NCKAP5: variants seen among roughly 807,000 people sequenced by gnomAD.
NCKAP5 encodes the protein nck-associated protein 5.
A neutral mutation model predicts 167.0 loss-of-function variants in NCKAP5; 92 were observed. The observed-to-expected ratio is 0.55, with a 90% CI of 0.47 to 0.66. The LOEUF is 0.66. NCKAP5 is among the 30% of genes least tolerant of loss of function. The pLI is 0.00. For synonymous variants in NCKAP5, 891 were observed against 877.4 expected, an observed-to-expected ratio of 1.02 and a Z score of -0.27; for missense variants, 2,378 against 2,315.0, an observed-to-expected ratio of 1.03 and a Z score of -0.56.
intron 3 of NCKAP5, among the ~76,000 whole-genome samples, chr2:133,340,880 C>T (rs976922031): frequency 2.0e-5 from 3 of 152,204 alleles, no homozygotes; most frequent in African/African-American, 7.2e-5. Context: ...TCTTCCTCAT[C>T]TCAGCAGCCA....
chr2:132,878,989 G>A (rs1691540840), intron 8 of NCKAP5, 73 bp from the exon 9 acceptor site: 7 of 1,172,914 alleles, frequency 6.0e-6, no homozygotes, highest in Non-Finnish European at 8.9e-6. Context: ...ATTCCATACA[G>A]TTACTAAATA....
At chr2:132,776,791 A>G (rs908506773) in intron 15 of NCKAP5, among the ~76,000 whole-genome samples, 43 of 152,164 alleles carry the variant, frequency 2.8e-4, no homozygotes, top group African/African-American at 1.0e-3. Context: ...GATGAAATTT[A>G]AATTAATTTT....
At chr2:133,468,655 G>T (rs953795233) in intron 3 of NCKAP5, among the ~76,000 whole-genome samples, 9 of 152,174 alleles carry the variant, frequency 5.9e-5, no homozygotes, top group Non-Finnish European at 1.2e-4. Context: ...AAGTCTCTTT[G>T]TAGGTCACTC....
intron 6 of NCKAP5, among the ~76,000 whole-genome samples, chr2:133,015,263 G>A (rs1282959416): frequency 1.3e-5 from 2 of 151,976 alleles, no homozygotes; most frequent in Non-Finnish European, 2.9e-5. Context: ...CAAGTAATTT[G>A]TCCAAAGTCA....
At chr2:133,557,865 C>A (rs1422731062) in intron 2 of NCKAP5, among the ~76,000 whole-genome samples, 1 of 152,206 alleles carries the variant, frequency 6.6e-6, no homozygotes, top group Non-Finnish European at 1.5e-5. Flanking sequence ...TGCAGCCCAG[C>A]CCTGAGCCCA....
chr2:133,669,162 C>T, the NCKAP5 span, among the ~76,000 whole-genome samples: 2 of 152,132 alleles, frequency 1.3e-5, no homozygotes, highest in African/African-American at 4.8e-5. Flanking sequence ...ATCACATATT[C>T]GTTTTCAAGC....
chr2:133,525,109 A>T lies in NCKAP5; in HGVS notation c.-61-7522T>A, dbSNP rs962175064. Among the ~76,000 whole-genome samples the T allele has an allele frequency of 5.3e-5, 8 of 152,336 alleles. 1 individual carries two copies. The highest frequency in any genetic ancestry group is 1.7e-4 in the African/African-American group (7 of 41,578). On this transcript the variant is annotated intron_variant, in intron 2 of 19. Transcript: ENST00000409261. ...TAATTTTCAACCATAAAAATTTTTTAAAATCCTACCAGCCCCCTGAAACTG... is the reference window on the plus strand; with the variant it reads ...TAATTTTCAACCATAAAAATTTTTTTAAATCCTACCAGCCCCCTGAAACTG...
intron 4 of NCKAP5, among the ~76,000 whole-genome samples, chr2:133,268,174 G>A (rs868480316): frequency 6.6e-6 from 1 of 152,154 alleles, no homozygotes; most frequent in African/African-American, 2.4e-5. Context: ...CTAAATTAGG[G>A]CTCAAATCAT....
At chr2:132,851,980 G>T (rs1689116711) in intron 11 of NCKAP5, among the ~76,000 whole-genome samples, 2 of 152,158 alleles carry the variant, frequency 1.3e-5, no homozygotes, top group African/African-American at 4.8e-5. Context: ...GACATCTGCT[G>T]ATAGCAATGG....
intron 2 of NCKAP5, among the ~76,000 whole-genome samples, chr2:133,541,384 T>C (rs1261236368): frequency 1.3e-5 from 2 of 152,062 alleles, no homozygotes; most frequent in African/African-American, 2.4e-5. Flanking sequence ...GAGAGCAACA[T>C]TCACAGAGAA....
At chr2:132,806,463 T>C (rs967545271) in intron 11 of NCKAP5, among the ~76,000 whole-genome samples, 1 of 152,178 alleles carries the variant, frequency 6.6e-6, no homozygotes, top group African/African-American at 2.4e-5. Flanking sequence ...ATGGCCATTC[T>C]TGCAGGAGTA....
intron 19 of NCKAP5, among the ~76,000 whole-genome samples, chr2:132,687,748 CA>C (rs1314175516): frequency 2.0e-5 from 3 of 151,042 alleles, no homozygotes; most frequent in African/African-American, 7.4e-5. Flanking sequence ...CACACACACA[CA>C]CACACACCCT....
chr2:133,076,327 G>A (rs1197193815), intron 6 of NCKAP5, among the ~76,000 whole-genome samples: 1 of 152,138 alleles, frequency 6.6e-6, no homozygotes, highest in African/African-American at 2.4e-5. Context: ...GGGCTGACTG[G>A]AGGACTTGAG....
intron 3 of NCKAP5, among the ~76,000 whole-genome samples, chr2:133,318,551 T>C (rs943568558): frequency 7.9e-5 from 12 of 152,230 alleles, no homozygotes; most frequent in African/African-American, 2.7e-4. Flanking sequence ...CATTTTGTTC[T>C]GACAGTGGAG....
At chr2:133,377,131 A>G (rs1020191124) in intron 3 of NCKAP5, among the ~76,000 whole-genome samples, 1 of 152,142 alleles carries the variant, frequency 6.6e-6, no homozygotes, top group Non-Finnish European at 1.5e-5. Context: ...TTTTTTTCCT[A>G]TACACTGGAC....
intron 11 of NCKAP5, among the ~76,000 whole-genome samples, chr2:132,851,091 C>T (rs1335247574): frequency 6.6e-6 from 1 of 151,590 alleles, no homozygotes; most frequent in Non-Finnish European, 1.5e-5. Context: ...AGAAACTGAC[C>T]CAGGTAAGAC....
At chr2:132,912,898 A>T (rs1343107620) in intron 8 of NCKAP5, among the ~76,000 whole-genome samples, 1 of 152,002 alleles carries the variant, frequency 6.6e-6, no homozygotes, top group East Asian at 1.9e-4. Context: ...CTTTGAAATG[A>T]TATAGAATTT....
At chr2:133,568,054 T>G (rs1390601123) in intron 1 of NCKAP5, among the ~76,000 whole-genome samples, 162 bp downstream of exon 1, 1 of 152,194 alleles carries the variant, frequency 6.6e-6, no homozygotes, top group African/African-American at 2.4e-5. Flanking sequence ...CAGTCCACTT[T>G]AGGGCCCTAT....
intron 6 of NCKAP5, among the ~76,000 whole-genome samples, chr2:133,022,600 A>G (rs545468924): frequency 2.0e-5 from 3 of 152,256 alleles, no homozygotes; most frequent in African/African-American, 7.2e-5. Flanking sequence ...CACAATGTCC[A>G]ATCACCTGTT....
Sources: gnomAD v4.1 joint callset for allele counts (sites outside exome capture counted in the v4.1 genomes callset) on GRCh38, gnomAD v4.1.1 for gene constraint, MANE v1.5 for transcripts, NCBI Gene and HGNC (gene_info 2026-07-23, HGNC 2026-07-21) for gene names.